Variants in CHM observed in about 807,000 individuals in gnomAD.
CHM encodes rab proteins geranylgeranyltransferase component A 1.
Under a neutral mutation model 49.0 loss-of-function variants are expected in CHM, and 10 were observed. That is an observed-to-expected ratio of 0.20 (90% CI 0.13 to 0.35). The LOEUF is 0.35. Among genes scored for constraint, CHM ranks in the 10% least tolerant of loss-of-function variants. The pLI is 1.00. For synonymous variants in CHM, 184 were observed against 167.5 expected (o/e 1.10, Z -0.76); for missense variants, 455 against 478.4 (o/e 0.95, Z 0.46).
In CHM at chrX:86,026,102, C is replaced by CTTTTTTTTTTTTTT. The variant is rs1167691945; in HGVS notation, c.116+1375_116+1388dup. 3.4e-4 allele frequency among the ~76,000 whole-genome samples: 9 copies of CTTTTTTTTTTTTTT among 26,761 alleles called. 1 individual carries two copies. The highest frequency in any genetic ancestry group is 4.5e-4 in the African/African-American group (4 of 8,857). The allele number at this position is 26,761 out of a possible 115,157, so 23.2% of individuals were successfully genotyped here. A position where few individuals can be genotyped will look rare whatever the true frequency, so the allele number is the denominator to read the frequency against. On this transcript the variant is annotated intron_variant, in intron 2 of 14. Coordinates refer to ENST00000357749, the MANE Select transcript of CHM (RefSeq NM_000390.4). ...CTGGGCTTTCAAGGTAGCAGATTTT[C>CTTTTTTTTTTTTTT]TTTTTTTTTTTTTTTTTTTTTTTTT...
At chrX:86,005,997 C>T (rs1014402635) in intron 2 of CHM, among the ~76,000 whole-genome samples, 1 of 111,507 alleles carries the variant, frequency 9.0e-6, no homozygotes, top group Non-Finnish European at 1.9e-5. Flanking sequence ...TGATGAACAT[C>T]GATGAAAAAA....
intron 8 of CHM, among the ~76,000 whole-genome samples, chrX:85,950,281 G>A (rs995989299): frequency 9.3e-6 from 1 of 107,519 alleles, no homozygotes; most frequent in Non-Finnish European, 1.9e-5. Flanking sequence ...ATATCGTTAT[G>A]AAGTTTAAAT....
rs186304956 is a variant in CHM, at chrX:85,894,458, C to A, written c.1414-174G>T. Reference sequence around the variant, plus strand: ...CAGAATTTGAAACATATTTATGTATCATTTTCATAATTCTCATAGATAATA... The same window carrying A: ...CAGAATTTGAAACATATTTATGTATAATTTTCATAATTCTCATAGATAATA... On this transcript the variant is annotated intron_variant, in intron 11 of 14. Transcript: ENST00000357749. Among the ~76,000 whole-genome samples the A allele has an allele frequency of 5.4e-3, 604 of 111,333 alleles. 2 individuals carry two copies. The highest frequency in any genetic ancestry group is 9.3e-3 in the Non-Finnish European group (494 of 52,996).
intron 8 of CHM, among the ~76,000 whole-genome samples, chrX:85,941,670 A>T (rs776427838): frequency 1.8e-4 from 20 of 111,574 alleles, no homozygotes; most frequent in Non-Finnish European, 3.6e-4. Context: ...TCCATTTGTT[A>T]ACATATTGTC....
At chrX:85,934,504 A>C (rs1208435550) in intron 8 of CHM, among the ~76,000 whole-genome samples, 11 of 91,308 alleles carry the variant, frequency 1.2e-4, no homozygotes, top group African/African-American at 4.3e-4. Flanking sequence ...CTCATTGCTC[A>C]ATTCCCACCT....
At chrX:85,960,710 GCCA>G (rs1328705755) in intron 5 of CHM, among the ~76,000 whole-genome samples, 1 of 111,195 alleles carries the variant, frequency 9.0e-6, no homozygotes, top group African/African-American at 3.3e-5. Flanking sequence ...ACAGGACTGA[GCCA>G]CCACGCTCAG....
chrX:85,981,820 T>TAA lies in CHM; in HGVS notation c.117-13_117-12dup, dbSNP rs372213887. 0.014 allele frequency: 13,088 copies of TAA among 917,318 alleles called. 7 individuals are homozygous for TAA. The highest frequency in any genetic ancestry group is 0.02 in the African/African-American group (893 of 44,409). The allele number at this position is 917,318 out of a possible 1,213,427, so 75.6% of individuals were successfully genotyped here. A position where few individuals can be genotyped will look rare whatever the true frequency, so the allele number is the denominator to read the frequency against. ...CCATAGTAGCTTCTTCTGTAACAAT[T>TAA]AAAAAAAAAAAAAAAAGTAAAGAAA... On this transcript the variant is annotated splice_polypyrimidine_tract_variant and intron_variant, in intron 2 of 14. Transcript: ENST00000357749.
At chrX:85,961,584 T>G (rs1930298895) in intron 5 of CHM, among the ~76,000 whole-genome samples, 1 of 107,065 alleles carries the variant, frequency 9.3e-6, no homozygotes, top group Non-Finnish European at 1.9e-5. Context: ...TTGCTTTCCA[T>G]CTAGCATGCA....
chrX:85,942,208 G>T (rs1054563549), intron 8 of CHM, among the ~76,000 whole-genome samples: 1 of 109,065 alleles, frequency 9.2e-6, no homozygotes, highest in South Asian at 4.0e-4. Context: ...ATATGAAGAG[G>T]TGCCTATATA....
intron 8 of CHM, among the ~76,000 whole-genome samples, chrX:85,934,105 T>C (rs1237693543): frequency 2.1e-4 from 23 of 108,291 alleles, no homozygotes; most frequent in Admixed American, 6.9e-4. Flanking sequence ...CTCAGCCTCC[T>C]GAGTAGCTGG....
At position 85,963,842 on chromosome X, in the gene CHM, T is replaced by C. The variant is rs1309312767; in HGVS notation, c.525A>G (p.Thr175=). 4 of 1,209,793 alleles carry C rather than the reference T, an allele frequency of 3.3e-6. No individual in the cohort carries two copies. The highest frequency in any genetic ancestry group is 1.1e-6 in the Non-Finnish European group (1 of 895,234). Residue 175 remains threonine (T), a synonymous_variant, in exon 5 of 15, where the codon ACA becomes ACG. Coordinates refer to ENST00000357749, the MANE Select transcript of CHM (RefSeq NM_000390.4). ...NALEVNGAEV[T]GEKENHCDDK... ...CATCACAATGGTTTTCTTTTTCCCC[T>C]GTCACTTCAGCACCATTTACTTCTA...
intron 8 of CHM, among the ~76,000 whole-genome samples, chrX:85,920,096 A>T (rs1258833961): frequency 9.2e-6 from 1 of 108,490 alleles, no homozygotes; most frequent in Non-Finnish European, 1.9e-5. Flanking sequence ...TGTTATTTTT[A>T]TTTTTATTTT....
intron 4 of CHM, among the ~76,000 whole-genome samples, chrX:85,966,336 C>T (rs1168230622): frequency 1.1e-5 from 1 of 88,099 alleles, no homozygotes; most frequent in African/African-American, 4.4e-5. Context: ...GCAACAAGAG[C>T]AAAACTCCGT....
chrX:85,872,089 G>T (rs1924108787), intron 14 of CHM, among the ~76,000 whole-genome samples: 2 of 111,527 alleles, frequency 1.8e-5, no homozygotes, highest in African/African-American at 6.5e-5. Flanking sequence ...AAGAATTCTA[G>T]AAAAAAACTG....
intron 2 of CHM, among the ~76,000 whole-genome samples, chrX:86,013,736 A>C: frequency 9.0e-6 from 1 of 110,690 alleles, no homozygotes; most frequent in Non-Finnish European, 1.9e-5. Context: ...TTCGTCTCAA[A>C]AAAAAAAAAG....
rs1170614243 is a variant in CHM, at chrX:86,047,312, C to T, written c.49+172G>A. 11 of 509,620 alleles carry T rather than the reference C, an allele frequency of 2.2e-5. No homozygotes were observed. In the African/African-American group the frequency reaches 2.6e-4, roughly 12 times the overall value. 42.0% of individuals were successfully genotyped at this position (509,620 alleles called of 1,213,427 possible). ...GGCGATAAGCACTGCGGGTCCCAGC[C>T]CCTCCCTGTAACTGCCAACTCCCGC... On this transcript the variant is annotated intron_variant, in intron 1 of 14. Transcript: ENST00000357749.
intron 4 of CHM, among the ~76,000 whole-genome samples, chrX:85,967,174 G>T (rs1423102678): frequency 9.0e-6 from 1 of 111,340 alleles, no homozygotes; most frequent in Non-Finnish European, 1.9e-5. Flanking sequence ...ACACCCAAAA[G>T]CTCCTAAAAC....
intron 8 of CHM, among the ~76,000 whole-genome samples, chrX:85,915,168 A>G (rs1208882578): frequency 8.9e-6 from 1 of 112,148 alleles, no homozygotes; most frequent in African/African-American, 3.2e-5. Context: ...AACCTGGCAG[A>G]GATATAACAG....
At chrX:85,928,321 T>C (rs959624686) in intron 8 of CHM, among the ~76,000 whole-genome samples, 6 of 111,703 alleles carry the variant, frequency 5.4e-5, no homozygotes, top group Non-Finnish European at 9.4e-5. Flanking sequence ...GGCAGGCAGA[T>C]AATCTGAGGT....
Sources: gnomAD v4.1 joint callset for allele counts (sites outside exome capture counted in the v4.1 genomes callset) on GRCh38, gnomAD v4.1.1 for gene constraint, MANE v1.5 for transcripts, NCBI Gene and HGNC (gene_info 2026-07-23, HGNC 2026-07-21) for gene names.